TPST1: variants seen among roughly 807,000 people sequenced by gnomAD.
The protein encoded by TPST1 is tyrosylprotein sulfotransferase 1.
A neutral mutation model predicts 34.8 loss-of-function variants in TPST1; 20 were observed. The observed-to-expected ratio is 0.57, with a 90% CI of 0.40 to 0.84. The LOEUF is 0.84. Ranked by LOEUF, TPST1 falls within the 40% of genes least tolerant of loss-of-function variation. TPST1 has a pLI of 0.00. For synonymous variants in TPST1, 152 were observed against 159.4 expected (o/e 0.95, Z 0.35); for missense variants, 353 against 455.5 (o/e 0.78, Z 2.05).
At chr7:66,319,888 G>C (rs755725362) in intron 3 of TPST1, among the ~76,000 whole-genome samples, 4 of 152,042 alleles carry the variant, frequency 2.6e-5, no homozygotes, top group African/African-American at 4.8e-5. Flanking sequence ...TCTTTCCAGG[G>C]AGGCATTAGC....
chr7:66,321,998 ACTT>A (rs1791767063), intron 3 of TPST1, among the ~76,000 whole-genome samples: 1 of 152,172 alleles, frequency 6.6e-6, no homozygotes. Context: ...GTTTCAAATA[ACTT>A]CTCCCATCTA....
At chr7:66,346,494 T>C (rs1252308529) in intron 3 of TPST1, among the ~76,000 whole-genome samples, 1 of 152,210 alleles carries the variant, frequency 6.6e-6, no homozygotes. Flanking sequence ...GCATTCGTTA[T>C]TGCCTGTCTT....
intron 3 of TPST1, among the ~76,000 whole-genome samples, chr7:66,311,610 C>T (rs1791533478): frequency 6.6e-6 from 1 of 152,164 alleles, no homozygotes; most frequent in Admixed American, 6.5e-5. Flanking sequence ...TAAACAGTTG[C>T]TTTTTGGAAT....
chr7:66,324,800 C>CAAAAAAAAAAAAAAAAAAA (rs56389964), intron 3 of TPST1, among the ~76,000 whole-genome samples: 1 of 109,248 alleles, frequency 9.2e-6, no homozygotes, highest in Non-Finnish European at 1.8e-5. Context: ...GACTCTGTCT[C>CAAAAAAAAAAAAAAAAAAA]AAAAAAAAAA....
intron 3 of TPST1, among the ~76,000 whole-genome samples, chr7:66,334,751 A>G (rs1792061749): frequency 6.6e-6 from 1 of 152,000 alleles, no homozygotes; most frequent in South Asian, 2.1e-4. Flanking sequence ...ATAAGTGGTC[A>G]TTTCAGACTG....
At chr7:66,244,056 C>T (rs1165815763) in intron 2 of TPST1, among the ~76,000 whole-genome samples, 1 of 150,896 alleles carries the variant, frequency 6.6e-6, no homozygotes, top group Non-Finnish European at 1.5e-5. Context: ...TCACGCCATT[C>T]TCCTGCCTCA....
At position 66,249,823 on chromosome 7, in the gene TPST1, C is replaced by T. The variant is rs1379070226; in HGVS notation, c.845+8553C>T. The stretch of plus-strand genomic sequence containing the variant: ...TTTCCTGTGCCTGCAACACCTTTCT[C>T]TCACTTCATTTCTTCATCTGACCAA... On this transcript the variant is annotated intron_variant, in intron 2 of 5. Transcript: ENST00000304842. 2.0e-5 allele frequency among the ~76,000 whole-genome samples: 3 copies of T among 152,220 alleles called. No homozygotes were observed. The East Asian group carries it at 5.8e-4, about 29-fold the overall frequency.
chr7:66,299,973 A>C (rs1259482819), intron 3 of TPST1, among the ~76,000 whole-genome samples: 1 of 152,170 alleles, frequency 6.6e-6, no homozygotes, highest in Non-Finnish European at 1.5e-5. Context: ...GTACATATAA[A>C]AGTTATACAC....
chr7:66,350,253 G>T (rs1792447451), intron 3 of TPST1, among the ~76,000 whole-genome samples: 2 of 152,176 alleles, frequency 1.3e-5, no homozygotes, highest in African/African-American at 2.4e-5. Flanking sequence ...GACCTCAGGT[G>T]ATCTGCCCGC....
At chr7:66,226,167 G>T (rs1353778110) in intron 1 of TPST1, among the ~76,000 whole-genome samples, 1 of 152,078 alleles carries the variant, frequency 6.6e-6, no homozygotes, top group Admixed American at 6.6e-5. Flanking sequence ...GATTACAGAC[G>T]TGAGCCACTG....
At chr7:66,268,513 T>A (rs1311972804) in intron 2 of TPST1, among the ~76,000 whole-genome samples, 1 of 152,158 alleles carries the variant, frequency 6.6e-6, no homozygotes, top group Non-Finnish European at 1.5e-5. Flanking sequence ...GTCAGGGTAT[T>A]GGGTCCTAAA....
intron 2 of TPST1, among the ~76,000 whole-genome samples, chr7:66,277,078 G>A (rs1790832730): frequency 1.3e-5 from 2 of 151,920 alleles, no homozygotes; most frequent in African/African-American, 2.4e-5. Context: ...CGCTTGTATC[G>A]GGGCCTTCTC....
intron 5 of TPST1, among the ~76,000 whole-genome samples, chr7:66,358,424 A>G (rs753723232): frequency 1.3e-5 from 2 of 151,638 alleles, no homozygotes; most frequent in Admixed American, 6.6e-5. Flanking sequence ...TTTTATTTGC[A>G]TATATATAAG....
chr7:66,249,916 CTCTG>C (rs1228304330), intron 2 of TPST1, among the ~76,000 whole-genome samples: 1 of 152,208 alleles, frequency 6.6e-6, no homozygotes, highest in African/African-American at 2.4e-5. Flanking sequence ...CAAGGCCCCC[CTCTG>C]TCTGGGATGT....
intron 4 of TPST1, among the ~76,000 whole-genome samples, chr7:66,356,333 C>T (rs948355541): frequency 6.6e-6 from 1 of 151,970 alleles, no homozygotes; most frequent in African/African-American, 2.4e-5. Flanking sequence ...ACGTCACCCT[C>T]CCGGCACACC....
chr7:66,303,791 G>A (rs577245732), intron 3 of TPST1, among the ~76,000 whole-genome samples: 15 of 152,312 alleles, frequency 9.8e-5, no homozygotes, highest in African/African-American at 3.6e-4. Context: ...TAGCCTGAGT[G>A]CCAGTAATAC....
intron 3 of TPST1, among the ~76,000 whole-genome samples, chr7:66,325,285 C>G (rs1049922498): frequency 1.3e-5 from 2 of 152,128 alleles, no homozygotes; most frequent in African/African-American, 4.8e-5. Flanking sequence ...TCCACCTGGT[C>G]TCTCCCTTGA....
intron 1 of TPST1, among the ~76,000 whole-genome samples, chr7:66,227,028 C>CTTGTTTTTTTT (rs1789670180): frequency 1.4e-5 from 1 of 69,198 alleles, no homozygotes; most frequent in Non-Finnish European, 2.4e-5. Context: ...TTAAAATAAG[C>CTTGTTTTTTTT]TTTTTTTTTT....
At chr7:66,255,016 G>A (rs939021936) in intron 2 of TPST1, among the ~76,000 whole-genome samples, 28 of 151,936 alleles carry the variant, frequency 1.8e-4, no homozygotes, top group African/African-American at 5.8e-4. Context: ...GCGTGGTGGC[G>A]GGCGCCTGTA....
Sources: allele counts gnomAD v4.1 joint callset (sites outside exome capture counted in the v4.1 genomes callset), GRCh38; gene constraint gnomAD v4.1.1; transcripts MANE v1.5; gene names NCBI Gene and HGNC (gene_info 2026-07-23, HGNC 2026-07-21).